Variants in BCKDHB observed in about 807,000 individuals in gnomAD.
The protein encoded by BCKDHB is 2-oxoisovalerate dehydrogenase subunit beta, mitochondrial.
A neutral mutation model predicts 48.5 loss-of-function variants in BCKDHB; 41 were observed. The observed-to-expected ratio is 0.85, with a 90% CI of 0.66 to 1.10. The LOEUF (loss-of-function observed/expected upper bound fraction) is 1.10. Ranked by LOEUF, BCKDHB falls within the 50% of genes least tolerant of loss-of-function variation. The pLI is 0.00. For missense variants in BCKDHB, 496 were observed against 494.2 expected (o/e 1.00, Z -0.03); for synonymous variants, 201 against 174.8 (o/e 1.15, Z -1.18).
At chr6:80,346,824 T>C (rs1770222570), downstream of BCKDHB, among the ~76,000 whole-genome samples, 1 of 152,076 alleles carries the variant, frequency 6.6e-6, no homozygotes, top group Admixed American at 6.6e-5. Flanking sequence ...AGACAAGCCT[T>C]AGCCTTTCTA....
intron 8 of BCKDHB, among the ~76,000 whole-genome samples, chr6:80,214,892 G>T (rs1775099201): frequency 6.6e-6 from 1 of 152,016 alleles, no homozygotes. Flanking sequence ...CTATTGCTAG[G>T]TAAAATTATA....
At chr6:80,371,206 A>G in the BCKDHB span, among the ~76,000 whole-genome samples, 1 of 151,996 alleles carries the variant, frequency 6.6e-6, no homozygotes, top group Admixed American at 6.6e-5. Context: ...GTGGTATCAC[A>G]TTGTCATTTT....
chr6:80,308,068 T>A (rs1582544168), intron 9 of BCKDHB: 1 of 299,882 alleles, frequency 3.3e-6, no homozygotes, highest in East Asian at 1.7e-4. Context: ...AATATATGAA[T>A]TAATTATAAT....
At chr6:80,413,250 A>C in the BCKDHB span, among the ~76,000 whole-genome samples, 1 of 152,188 alleles carries the variant, frequency 6.6e-6, no homozygotes, top group African/African-American at 2.4e-5. Context: ...TAGCAAAAAA[A>C]AGTTAATAAA....
intron 9 of BCKDHB, among the ~76,000 whole-genome samples, chr6:80,310,598 A>C (rs1162152956): frequency 1.3e-5 from 2 of 152,188 alleles, no homozygotes; most frequent in East Asian, 3.8e-4. Context: ...AACCATTTAT[A>C]TTCCTTTGGG....
chr6:80,452,324 G>A, the BCKDHB span, among the ~76,000 whole-genome samples: 3 of 152,262 alleles, frequency 2.0e-5, no homozygotes, highest in South Asian at 6.2e-4. Context: ...TTACAGGGAA[G>A]GGAAGAACAA....
At chr6:80,434,059 G>A in the BCKDHB span, among the ~76,000 whole-genome samples, 1 of 151,850 alleles carries the variant, frequency 6.6e-6, no homozygotes, top group Admixed American at 6.6e-5. Context: ...TTAGTTAATT[G>A]TTTTACTCTT....
intron 8 of BCKDHB, among the ~76,000 whole-genome samples, chr6:80,244,862 G>C (rs991708897): frequency 6.6e-6 from 1 of 152,132 alleles, no homozygotes; most frequent in Non-Finnish European, 1.5e-5. Context: ...ATGGAATATT[G>C]GTTTAAAATA....
intron 9 of BCKDHB, among the ~76,000 whole-genome samples, chr6:80,281,338 A>G (rs956420586): frequency 6.6e-6 from 1 of 152,134 alleles, no homozygotes; most frequent in Non-Finnish European, 1.5e-5. Context: ...GGCTTCAGAA[A>G]AGGAAGGGAG....
intron 8 of BCKDHB, among the ~76,000 whole-genome samples, chr6:80,244,068 G>A (rs1776505286): frequency 6.6e-6 from 1 of 152,194 alleles, no homozygotes; most frequent in Non-Finnish European, 1.5e-5. Flanking sequence ...ATAATCCTGA[G>A]TCTATAAAAT....
chr6:80,255,300 C>T (rs551864107), intron 8 of BCKDHB, among the ~76,000 whole-genome samples: 1 of 152,224 alleles, frequency 6.6e-6, no homozygotes, highest in Non-Finnish European at 1.5e-5. Context: ...TTAATATTTT[C>T]AAAACCTATT....
intron 5 of BCKDHB, 51 bp from the exon 6 acceptor site, chr6:80,171,231 T>C: frequency 9.3e-7 from 1 of 1,071,038 alleles, no homozygotes; most frequent in Non-Finnish European, 1.4e-6. Flanking sequence ...GCAGCGAGTT[T>C]ACTGGGATAT....
the BCKDHB span, among the ~76,000 whole-genome samples, chr6:80,401,077 G>A: frequency 3.4e-5 from 5 of 147,228 alleles, no homozygotes; most frequent in Non-Finnish European, 7.4e-5. Context: ...TGAAGGGTGG[G>A]AAGAGGGAGA....
intron 9 of BCKDHB, among the ~76,000 whole-genome samples, chr6:80,339,152 T>C (rs1226929341): frequency 6.6e-6 from 1 of 152,198 alleles, no homozygotes; most frequent in Non-Finnish European, 1.5e-5. Context: ...GGTTAGATAT[T>C]GAGAGATCCC....
intron 8 of BCKDHB, among the ~76,000 whole-genome samples, chr6:80,229,150 A>G (rs551353308): frequency 3.1e-4 from 47 of 152,366 alleles, no homozygotes; most frequent in African/African-American, 1.1e-3. Context: ...TAAACAGAGT[A>G]GAAAATATTT....
intron 6 of BCKDHB, among the ~76,000 whole-genome samples, chr6:80,192,528 A>G (rs2127808031): frequency 6.6e-6 from 1 of 152,316 alleles, no homozygotes; most frequent in South Asian, 2.1e-4. Context: ...GTGATAGGAG[A>G]ACTTTTGCTA....
rs149850822 is a variant in BCKDHB, at chr6:80,183,273, A to G, written c.742+11883A>G. ...AACTATGGAAGGATAGGGAATCATT[A>G]CCACAGGTACTGTGGGGCGGCAAGA... On this transcript the variant is annotated intron_variant, in intron 6 of 9. Transcript: ENST00000320393. Among the ~76,000 whole-genome samples, 265 of 152,258 alleles carry G rather than the reference A, an allele frequency of 1.7e-3. 1 individual carries two copies. The highest frequency in any genetic ancestry group is 6.0e-3 in the African/African-American group (250 of 41,554).
chr6:80,213,417 A>T (rs1351875773), intron 8 of BCKDHB, among the ~76,000 whole-genome samples: 1 of 152,296 alleles, frequency 6.6e-6, no homozygotes, highest in East Asian at 1.9e-4. Context: ...CTTAATTTCT[A>T]AGACATGAGT....
chr6:80,377,040 ATT>A, the BCKDHB span, among the ~76,000 whole-genome samples: 8,817 of 133,212 alleles, frequency 0.066, 357 homozygotes, highest in South Asian at 0.2. Context: ...AAGGCTTTTA[ATT>A]TTTTTTTTTT....
Sources: gnomAD v4.1 joint callset for allele counts (sites outside exome capture counted in the v4.1 genomes callset) on GRCh38, gnomAD v4.1.1 for gene constraint, MANE v1.5 for transcripts, NCBI Gene and HGNC (gene_info 2026-07-23, HGNC 2026-07-21) for gene names.